The following CDH18 variants were observed in gnomAD, a reference collection of about 807,000 sequenced individuals.
CDH18 encodes the protein cadherin-18.
CDH18 carries 31 observed loss-of-function variants against 67.9 expected under a neutral mutation model. The ratio of observed to expected loss-of-function variants is 0.46; its 90% CI spans 0.34 to 0.62. The LOEUF is 0.62. CDH18 is among the 20% of genes least tolerant of loss of function. The pLI is 0.01. For synonymous variants in CDH18, 362 were observed against 347.2 expected, an observed-to-expected ratio of 1.04 and a Z score of -0.48; for missense variants, 890 against 975.5, an observed-to-expected ratio of 0.91 and a Z score of 1.17.
At chr5:19,516,205 G>C (rs1027030350) in intron 10 of CDH18, among the ~76,000 whole-genome samples, 5 of 152,172 alleles carry the variant, frequency 3.3e-5, no homozygotes, top group African/African-American at 1.2e-4. Flanking sequence ...AAGCTAACTT[G>C]ATCTTGGTGG....
intron 9 of CDH18, among the ~76,000 whole-genome samples, chr5:19,540,383 G>C (rs1291393780): frequency 6.6e-6 from 1 of 152,076 alleles, no homozygotes; most frequent in African/African-American, 2.4e-5. Context: ...AGTGCAACCT[G>C]TCAATGGATC....
At chr5:19,855,201 C>T (rs1254803910) in intron 2 of CDH18, among the ~76,000 whole-genome samples, 3 of 152,028 alleles carry the variant, frequency 2.0e-5, no homozygotes, top group Non-Finnish European at 1.5e-5. Context: ...ATCTTGTTCC[C>T]CTGCTCTTCT....
At chr5:20,485,390 T>C (rs138318188) in intron 1 of CDH18, among the ~76,000 whole-genome samples, 92 of 152,282 alleles carry the variant, frequency 6.0e-4, no homozygotes, top group African/African-American at 2.2e-3. Context: ...ACACCATTTA[T>C]CTATCCTGAA....
At chr5:19,647,287 C>G (rs1354734607) in intron 5 of CDH18, among the ~76,000 whole-genome samples, 1 of 151,642 alleles carries the variant, frequency 6.6e-6, no homozygotes. Flanking sequence ...CTTTGGTAGG[C>G]CGAAGCAGGC....
intron 2 of CDH18, among the ~76,000 whole-genome samples, chr5:20,061,178 T>C (rs1742454604): frequency 6.6e-6 from 1 of 152,186 alleles, no homozygotes; most frequent in South Asian, 2.1e-4. Context: ...TCTCCCACAA[T>C]ACCATTTCTC....
intron 3 of CDH18, among the ~76,000 whole-genome samples, chr5:19,811,580 T>C (rs1194326998): frequency 6.6e-6 from 1 of 152,116 alleles, no homozygotes; most frequent in Non-Finnish European, 1.5e-5. Context: ...GCTACTTTGT[T>C]ACGGCAGCTC....
chr5:20,475,704 T>C (rs1444085738), intron 1 of CDH18, among the ~76,000 whole-genome samples: 1 of 152,214 alleles, frequency 6.6e-6, no homozygotes, highest in Non-Finnish European at 1.5e-5. Flanking sequence ...CAATTCTTAT[T>C]GGTTTTCATT....
chr5:20,198,012 T>C (rs759859099), intron 2 of CDH18, among the ~76,000 whole-genome samples: 16 of 152,134 alleles, frequency 1.1e-4, no homozygotes, highest in Non-Finnish European at 4.4e-5. Flanking sequence ...AAGTGGGCAC[T>C]CATTCCCTCT....
intron 2 of CDH18, among the ~76,000 whole-genome samples, chr5:19,855,285 GA>G (rs770044766): frequency 3.3e-5 from 5 of 152,044 alleles, no homozygotes; most frequent in Non-Finnish European, 7.4e-5. Flanking sequence ...CAGACTTTCA[GA>G]GCTGGGAAAG....
intron 2 of CDH18, among the ~76,000 whole-genome samples, chr5:19,853,972 G>A (rs1367932773): frequency 6.6e-6 from 1 of 152,060 alleles, no homozygotes; most frequent in South Asian, 2.1e-4. Flanking sequence ...AAATGTCTAC[G>A]TGGCACAAAT....
intron 3 of CDH18, among the ~76,000 whole-genome samples, chr5:19,809,107 T>C (rs1228833750): frequency 1.3e-5 from 2 of 152,106 alleles, no homozygotes; most frequent in Non-Finnish European, 2.9e-5. Context: ...CAGACAAAGC[T>C]GATCTAGGCA....
chr5:19,655,947 G>A (rs560660336), intron 5 of CDH18, among the ~76,000 whole-genome samples: 143 of 151,204 alleles, frequency 9.5e-4, no homozygotes, highest in African/African-American at 3.3e-3. Flanking sequence ...CATACACAGA[G>A]GAAGCACGAG....
chr5:19,590,088 C>A (rs1016829418), intron 7 of CDH18, among the ~76,000 whole-genome samples: 1 of 152,090 alleles, frequency 6.6e-6, no homozygotes, highest in African/African-American at 2.4e-5. Flanking sequence ...TCTGCCTTTG[C>A]TCCAGACTTA....
At chr5:20,326,464 A>G (rs1738586752) in intron 1 of CDH18, among the ~76,000 whole-genome samples, 1 of 152,106 alleles carries the variant, frequency 6.6e-6, no homozygotes, top group South Asian at 2.1e-4. Context: ...ACCTATGATT[A>G]GAGGAAAAAA....
At chr5:19,649,754 T>C (rs1345088603) in intron 5 of CDH18, among the ~76,000 whole-genome samples, 1 of 152,064 alleles carries the variant, frequency 6.6e-6, no homozygotes, top group Non-Finnish European at 1.5e-5. Context: ...TTATATATTA[T>C]ATGATAAAGT....
At chr5:19,632,166 TTC>T (rs1752507396) in intron 5 of CDH18, among the ~76,000 whole-genome samples, 3 of 152,156 alleles carry the variant, frequency 2.0e-5, no homozygotes, top group Admixed American at 6.5e-5. Context: ...AAAGAGTACT[TTC>T]TGTTTTTTAA....
At chr5:20,425,325 T>TG (rs1196245621) in intron 1 of CDH18, among the ~76,000 whole-genome samples, 3 of 150,162 alleles carry the variant, frequency 2.0e-5, no homozygotes, top group Admixed American at 1.3e-4. Context: ...AAGCCAAGAT[T>TG]GCGCGATTGC....
chr5:20,023,858 A>G (rs975545189), intron 2 of CDH18, among the ~76,000 whole-genome samples: 3 of 152,184 alleles, frequency 2.0e-5, no homozygotes, highest in African/African-American at 4.8e-5. Context: ...CATATTGCAT[A>G]TGATCTAATC....
At chr5:20,553,497 T>C (rs1273135487) in intron 1 of CDH18, among the ~76,000 whole-genome samples, 7 of 152,182 alleles carry the variant, frequency 4.6e-5, no homozygotes. Context: ...GAATATATAA[T>C]TTAATTCTGA....
Sources: gnomAD v4.1 joint callset for allele counts (sites outside exome capture counted in the v4.1 genomes callset) on GRCh38, gnomAD v4.1.1 for gene constraint, MANE v1.5 for transcripts, NCBI Gene and HGNC (gene_info 2026-07-23, HGNC 2026-07-21) for gene names.